The following NUP54 variants were observed in gnomAD, a reference collection of about 807,000 sequenced individuals.
NUP54 encodes the protein nucleoporin 54.
A neutral mutation model predicts 66.4 loss-of-function variants in NUP54; 27 were observed. The observed-to-expected ratio is 0.41, with a 90% confidence interval of 0.30 to 0.56. NUP54 has a LOEUF of 0.56. Among genes scored for constraint, NUP54 ranks in the 20% least tolerant of loss-of-function variants. NUP54 has a pLI of 0.34. For synonymous variants in NUP54, 206 were observed against 210.7 expected (o/e 0.98, Z 0.19); for missense variants, 486 against 596.3 (o/e 0.82, Z 1.93).
intron 10 of NUP54, 130 bp downstream of exon 10, chr4:76,117,944 CT>C (rs1384854822): frequency 2.8e-6 from 3 of 1,070,178 alleles, no homozygotes; most frequent in Middle Eastern, 2.1e-4. Context: ...ACTGAGTTTA[CT>C]TTAGAAAGGA....
chr4:76,148,067 G>A (rs1191430259), intron 1 of NUP54: 1 of 427,156 alleles, frequency 2.3e-6, no homozygotes, highest in Middle Eastern at 5.9e-4. Context: ...AACCGCTCAA[G>A]CCAGGGCCCT....
At chr4:76,116,887 C>G (rs777460930) in intron 11 of NUP54, among the ~76,000 whole-genome samples, 3 of 152,034 alleles carry the variant, frequency 2.0e-5, no homozygotes, top group Non-Finnish European at 4.4e-5. Context: ...ATCTTTTTGG[C>G]GAGGAGAGGG....
intron 3 of NUP54, among the ~76,000 whole-genome samples, chr4:76,141,874 G>A (rs960130267): frequency 1.3e-5 from 2 of 149,614 alleles, no homozygotes; most frequent in Admixed American, 6.7e-5. Context: ...TGACCCTGAG[G>A]TCATTTATGC....
At chr4:76,143,458 G>C (rs1353790422) in intron 3 of NUP54, among the ~76,000 whole-genome samples, 1 of 152,122 alleles carries the variant, frequency 6.6e-6, no homozygotes, top group Non-Finnish European at 1.5e-5. Flanking sequence ...ACAAAAATTA[G>C]CTGGGCGTGG....
chr4:76,138,914 A>G (rs1415939251), intron 3 of NUP54, among the ~76,000 whole-genome samples: 2 of 152,244 alleles, frequency 1.3e-5, no homozygotes, highest in Non-Finnish European at 2.9e-5. Flanking sequence ...CATATTTATT[A>G]AAGCCCATGC....
At chr4:76,143,343 C>T (rs1285821097) in intron 3 of NUP54, among the ~76,000 whole-genome samples, 3 of 152,228 alleles carry the variant, frequency 2.0e-5, no homozygotes, top group African/African-American at 7.2e-5. Flanking sequence ...CGGTGGCGCA[C>T]ACCTGTAATC....
Position 76,129,843 on chromosome 4 carries a change from C to T in NUP54, c.1056+813G>A, listed in dbSNP as rs566152882. 5.1e-3 allele frequency among the ~76,000 whole-genome samples: 544 copies of T among 105,816 alleles called. 4 individuals are homozygous for T. The highest frequency in any genetic ancestry group is 0.019 in the African/African-American group (489 of 25,126). The allele number at this position is 105,816 out of a possible 152,430, so 69.4% of individuals were successfully genotyped here. A position where few individuals can be genotyped will look rare whatever the true frequency, so the allele number is the denominator to read the frequency against. The stretch of plus-strand genomic sequence containing the variant: ...TCGCGCCACTGTGCTCCAGCCTGGG[C>T]GACAGAGCGAGAGACGTCTCAAAAA... On this transcript the variant is annotated intron_variant, in intron 8 of 11. Coordinates refer to ENST00000264883, the MANE Select transcript of NUP54 (RefSeq NM_017426.4).
intron 9 of NUP54, among the ~76,000 whole-genome samples, chr4:76,121,523 G>C (rs1311325469): frequency 1.3e-5 from 2 of 152,106 alleles, no homozygotes; most frequent in East Asian, 3.9e-4. Flanking sequence ...GCTATTCATA[G>C]GCACAATCAT....
chr4:76,127,937 G>A (rs1488929203), intron 8 of NUP54, among the ~76,000 whole-genome samples: 1 of 152,126 alleles, frequency 6.6e-6, no homozygotes, highest in African/African-American at 2.4e-5. Flanking sequence ...AATACACGGG[G>A]CAGCTATTTG....
At chr4:76,147,758 G>A in intron 1 of NUP54, 1 of 754,848 alleles carries the variant, frequency 1.3e-6, no homozygotes, top group Non-Finnish European at 1.9e-6. Flanking sequence ...GAACAAACCT[G>A]GTTTTGCTCC....
intron 1 of NUP54, chr4:76,147,432 G>A: frequency 1.6e-6 from 2 of 1,221,970 alleles, no homozygotes; most frequent in Non-Finnish European, 2.1e-6. Context: ...AATATTCTTG[G>A]ACTCCAGCTC....
At chr4:76,141,541 G>A (rs966038664) in intron 3 of NUP54, among the ~76,000 whole-genome samples, 2 of 151,886 alleles carry the variant, frequency 1.3e-5, no homozygotes, top group South Asian at 2.1e-4. Context: ...CCAGTCATTC[G>A]CTTTTATTGA....
chr4:76,129,359 GC>G (rs568720635), intron 8 of NUP54, among the ~76,000 whole-genome samples: 192 of 152,184 alleles, frequency 1.3e-3, no homozygotes, highest in Non-Finnish European at 2.3e-3. Context: ...AATACATGAA[GC>G]AAAAACTGAG....
intron 8 of NUP54, among the ~76,000 whole-genome samples, chr4:76,126,453 G>C (rs1401414653): frequency 6.6e-6 from 1 of 152,196 alleles, no homozygotes; most frequent in East Asian, 1.9e-4. Context: ...AGGCCATGCT[G>C]AAAGGACAAA....
At chr4:76,122,370 G>T (rs1256228873) in intron 9 of NUP54, among the ~76,000 whole-genome samples, 1 of 152,106 alleles carries the variant, frequency 6.6e-6, no homozygotes, top group Non-Finnish European at 1.5e-5. Context: ...CCACCACAGT[G>T]ATTAAGATAC....
rs1003372318 is a variant in NUP54 at position 76,114,911 on chromosome 4, A to C, written c.*455T>G. ...ACTCCTCCCACAGATGAGTTCACAA[A>C]TACAAAAACTGGTGTACATTTATAC... On this transcript the variant is annotated 3_prime_UTR_variant, in exon 12 of 12. Transcript: ENST00000264883. 4.6e-5 allele frequency: 7 copies of C among 152,506 alleles called. No homozygotes were observed. The highest frequency in any genetic ancestry group is 3.9e-4 in the Admixed American group (6 of 15,310). 9.4% of individuals were successfully genotyped at this position (152,506 alleles called of 1,614,324 possible).
intron 11 of NUP54, among the ~76,000 whole-genome samples, chr4:76,116,166 T>C (rs993844722): frequency 5.3e-5 from 8 of 152,234 alleles, no homozygotes; most frequent in Non-Finnish European, 8.8e-5. Context: ...CCCAGTTTTA[T>C]TGCATATATC....
At chr4:76,132,475 G>T (rs747615381) in intron 6 of NUP54, 48 bp downstream of exon 6, 5 of 1,458,122 alleles carry the variant, frequency 3.4e-6, no homozygotes, top group Non-Finnish European at 4.6e-6. Flanking sequence ...GGAGTGTTTA[G>T]TTCTAAATCT....
At chr4:76,133,615 A>T (rs1730909925) in intron 5 of NUP54, among the ~76,000 whole-genome samples, 1 of 152,072 alleles carries the variant, frequency 6.6e-6, no homozygotes, top group South Asian at 2.1e-4. Context: ...CCAATAAGAT[A>T]ATATTTATAA....
Sources: gnomAD v4.1 joint callset for allele counts (sites outside exome capture counted in the v4.1 genomes callset) on GRCh38, gnomAD v4.1.1 for gene constraint, MANE v1.5 for transcripts, NCBI Gene and HGNC (gene_info 2026-07-23, HGNC 2026-07-21) for gene names.